The following LRBA variants were observed in gnomAD, a reference collection of about 807,000 sequenced individuals.
The protein encoded by LRBA is LPS responsive beige-like anchor protein.
Under a neutral mutation model 330.0 loss-of-function variants are expected in LRBA, and 176 were observed. That is an observed-to-expected ratio of 0.53 (90% confidence interval 0.47 to 0.60). The LOEUF is 0.60. LRBA is among the 20% of genes least tolerant of loss of function. The probability of loss-of-function intolerance (pLI) is 0.00; values close to 1 mark genes in which losing one functional copy is unlikely to be tolerated. For synonymous variants in LRBA, 1,230 were observed against 1,193.0 expected (o/e 1.03, Z -0.64); for missense variants, 3,259 against 3,444.8 (o/e 0.95, Z 1.35).
chr4:150,957,334 G>A (rs1453594100), intron 2 of LRBA, among the ~76,000 whole-genome samples: 1 of 148,482 alleles, frequency 6.7e-6, no homozygotes, highest in Admixed American at 6.6e-5. Context: ...GCAGGCAAGT[G>A]AGCATGTGCA....
At chr4:150,906,253 C>T in intron 12 of LRBA, 44 bp downstream of exon 12, 2 of 1,209,748 alleles carry the variant, frequency 1.7e-6, no homozygotes, top group South Asian at 1.3e-5. Context: ...AAATGTATGG[C>T]CTGTAAATTA....
intron 36 of LRBA, among the ~76,000 whole-genome samples, chr4:150,729,173 C>T (rs1370466328): frequency 6.6e-6 from 1 of 152,038 alleles, no homozygotes; most frequent in Admixed American, 6.6e-5. Flanking sequence ...CAAAAATTAG[C>T]CGGACATAGT....
At chr4:150,353,671 T>A (rs1737460368) in intron 47 of LRBA, among the ~76,000 whole-genome samples, 2 of 152,180 alleles carry the variant, frequency 1.3e-5, no homozygotes, top group Admixed American at 6.5e-5. Flanking sequence ...TACCGTGTGC[T>A]CATATCATGC....
At chr4:150,816,914 A>G (rs1423167008) in intron 31 of LRBA, among the ~76,000 whole-genome samples, 2 of 151,952 alleles carry the variant, frequency 1.3e-5, no homozygotes, top group Non-Finnish European at 2.9e-5. Flanking sequence ...ACCACACACT[A>G]CTAGGTTTGA....
At chr4:150,323,474 C>CA (rs962331645) in intron 49 of LRBA, among the ~76,000 whole-genome samples, 14 of 152,022 alleles carry the variant, frequency 9.2e-5, no homozygotes, top group African/African-American at 2.9e-4. Flanking sequence ...TTAAAAAACA[C>CA]AAAAAAAATC....
intron 5 of LRBA, among the ~76,000 whole-genome samples, chr4:150,919,281 G>A (rs1265459036): frequency 6.6e-6 from 1 of 152,102 alleles, no homozygotes; most frequent in Non-Finnish European, 1.5e-5. Context: ...AATTGACTGT[G>A]GTGATGGTTG....
Position 150,893,126 on chromosome 4 carries a change from T to C in LRBA, c.2091A>G (p.Leu697=), listed in dbSNP as rs200541367. 1.3e-5 allele frequency: 21 copies of C among 1,609,222 alleles called. No individual in the cohort carries two copies. The East Asian group carries it at 4.2e-4, about 33-fold the overall frequency. Reference sequence around the variant, plus strand: ...CTGACATTAATGCAACAAGCAGCTGTAGGACATCCATTAGATTGTCATCCT... The same window carrying C: ...CTGACATTAATGCAACAAGCAGCTGCAGGACATCCATTAGATTGTCATCCT... ...MHEDDNLMDV[L]QLLVALMSEH... is the part of the protein sequence containing the mutation. The change falls in exon 17 of 57, where the codon CTA becomes CTG. Residue 697 remains leucine (L), a synonymous_variant. Transcript: ENST00000651943.
Position 150,799,397 on chromosome 4 carries a change from C to T in LRBA, c.5519-1255G>A, listed in dbSNP as rs1333420642. On this transcript the variant is annotated intron_variant, in intron 33 of 56. Coordinates refer to ENST00000651943, the MANE Select transcript of LRBA (RefSeq NM_001364905.1). ...AGGCCAAAAGAAAAGGCAAGCAATA[C>T]TCCCTCTCTTACTGCAGGTGTAGCC... is the stretch of plus-strand genomic sequence containing the variant. Among the ~76,000 whole-genome samples, 4 of 152,198 alleles carry T rather than the reference C, an allele frequency of 2.6e-5. No individual in the cohort carries two copies. The East Asian group carries it at 7.7e-4, about 29-fold the overall frequency.
intron 35 of LRBA, among the ~76,000 whole-genome samples, chr4:150,749,077 C>A (rs1019124579): frequency 1.1e-4 from 16 of 152,018 alleles, no homozygotes; most frequent in African/African-American, 3.9e-4. Context: ...CATACAGAGA[C>A]TAAGGCACTT....
chr4:150,642,997 C>T (rs1170217306), intron 37 of LRBA, among the ~76,000 whole-genome samples: 1 of 151,802 alleles, frequency 6.6e-6, no homozygotes, highest in Non-Finnish European at 1.5e-5. Context: ...TTGTGCAGGA[C>T]CTGTATCTTT....
chr4:150,439,596 T>C (rs559678471), intron 44 of LRBA, among the ~76,000 whole-genome samples: 5 of 152,342 alleles, frequency 3.3e-5, no homozygotes, highest in East Asian at 1.9e-4. Context: ...CATTGAATTA[T>C]ACATTACGCG....
At chr4:150,395,825 T>C (rs1744660020) in intron 47 of LRBA, among the ~76,000 whole-genome samples, 1 of 152,194 alleles carries the variant, frequency 6.6e-6, no homozygotes, top group African/African-American at 2.4e-5. Flanking sequence ...TATCAGTGTC[T>C]GGGAAAGGTT....
intron 2 of LRBA, among the ~76,000 whole-genome samples, chr4:150,972,915 A>G (rs1323262563): frequency 2.6e-5 from 4 of 152,150 alleles, no homozygotes; most frequent in Non-Finnish European, 4.4e-5. Context: ...TAATAGTCAG[A>G]TCAAGTATCT....
chr4:150,519,570 T>C lies in LRBA; in HGVS notation c.6331-28535A>G, dbSNP rs187082294. On this transcript the variant is annotated intron_variant, in intron 40 of 56. Coordinates refer to ENST00000651943, the MANE Select transcript of LRBA (RefSeq NM_001364905.1). The stretch of plus-strand genomic sequence containing the variant: ...CATTTCTTTTTATTACTGAGTAGTA[T>C]TGCATTGTATAAATGTAACATGATT... 4.7e-4 allele frequency among the ~76,000 whole-genome samples: 72 copies of C among 152,316 alleles called. No homozygotes were observed. In the South Asian group the frequency reaches 0.013, roughly 27 times the overall value.
rs557035084 is a variant in LRBA at position 150,321,116 on chromosome 4, G to C, written c.7630+75C>G. ...TGAAAATTAAAAGCTTAAATGTTGAGATATGCTATATTTAAGTGGGTATTA... is the reference window on the plus strand; with the variant it reads ...TGAAAATTAAAAGCTTAAATGTTGACATATGCTATATTTAAGTGGGTATTA... On this transcript the variant is annotated intron_variant, in intron 50 of 56. Transcript: ENST00000651943. The surrounding 1 kb of genome is among the most constrained non-coding windows in gnomAD (Gnocchi z 4.5). 835 of 1,254,276 alleles carry C rather than the reference G, an allele frequency of 6.7e-4. 4 individuals are homozygous for C. The African/African-American group carries it at 0.011, about 16-fold the overall frequency. 77.7% of individuals were successfully genotyped at this position (1,254,276 alleles called of 1,614,324 possible). A position where few individuals can be genotyped will look rare whatever the true frequency, so the allele number is the denominator to read the frequency against.
chr4:150,869,040 A>C (rs1753091468), intron 20 of LRBA, among the ~76,000 whole-genome samples: 2 of 152,052 alleles, frequency 1.3e-5, no homozygotes, highest in Non-Finnish European at 2.9e-5. Flanking sequence ...ATGCACACAC[A>C]GTCTTTCATA....
rs762156589 is a variant in LRBA, at chr4:150,868,287, G to A, written c.2468C>T (p.Ala823Val). Residue 823 changes from alanine to valine, a missense_variant, in exon 21 of 57, where the codon GCG becomes GTG. Physicochemically the swap from Ala to Val is moderately conservative, Grantham distance 64. Transcript: ENST00000651943. ...IQNPQILKVIATLLRNSPQCP... is the reference protein window; with the variant it reads ...IQNPQILKVIVTLLRNSPQCP... Reference sequence around the variant, plus strand: ...CTGGGGAGAATTTCGAAGTAGGGTCGCAATTACTTTTAGTATCTCTGTAAG... The same window carrying A: ...CTGGGGAGAATTTCGAAGTAGGGTCACAATTACTTTTAGTATCTCTGTAAG... 9.3e-6 allele frequency: 15 copies of A among 1,610,474 alleles called. No homozygotes were observed. The highest frequency in any genetic ancestry group is 7.7e-5 in the South Asian group (7 of 90,628).
intron 35 of LRBA, among the ~76,000 whole-genome samples, chr4:150,748,638 G>A (rs1261276455): frequency 2.0e-5 from 3 of 150,234 alleles, no homozygotes; most frequent in African/African-American, 7.4e-5. Flanking sequence ...TTGCACTCCA[G>A]CCTGGGTGAC....
chr4:150,413,246 A>G (rs1186294575), intron 47 of LRBA, among the ~76,000 whole-genome samples: 1 of 152,140 alleles, frequency 6.6e-6, no homozygotes, highest in Non-Finnish European at 1.5e-5. Flanking sequence ...AACTTCATAC[A>G]TTGTAGGAAT....
Sources: gnomAD v4.1 joint callset for allele counts (sites outside exome capture counted in the v4.1 genomes callset) on GRCh38, gnomAD v4.1.1 for gene constraint, Gnocchi (gnomAD v3.1) non-coding constraint, MANE v1.5 for transcripts, NCBI Gene and HGNC (gene_info 2026-07-23, HGNC 2026-07-21) for gene names.